ARHGAP8: variants seen among roughly 807,000 people sequenced by gnomAD.
The protein encoded by ARHGAP8 is Rho GTPase activating protein 8.
Under a neutral mutation model 46.1 loss-of-function variants are expected in ARHGAP8, and 62 were observed. The ratio of observed to expected loss-of-function variants is 1.34; its 90% CI spans 1.10 to 1.66. ARHGAP8 has a LOEUF of 1.66. Among genes scored for constraint, ARHGAP8 ranks in the 40% most tolerant of loss-of-function variants. The pLI, the probability that ARHGAP8 is intolerant of heterozygous loss-of-function variation, is 0.00. For missense variants in ARHGAP8, 923 were observed against 568.4 expected, an observed-to-expected ratio of 1.62 and a Z score of -6.34; for synonymous variants, 375 against 243.1, an observed-to-expected ratio of 1.54 and a Z score of -5.05.
Position 44,862,373 on chromosome 22 carries a change from G to A in ARHGAP8, c.1080G>A (p.Leu360=), listed in dbSNP as rs185083480. The A allele has an allele frequency of 5.6e-6, 9 of 1,614,114 alleles. No individual in the cohort carries two copies. The highest frequency in any genetic ancestry group is 4.5e-5 in the East Asian group (2 of 44,872). The change falls in exon 12 of 12, where the codon CTG becomes CTA. Residue 360 remains leucine (L), a synonymous_variant. Coordinates refer to ENST00000356099, the MANE Select transcript of ARHGAP8 (RefSeq NM_181335.3). The stretch of plus-strand genomic sequence containing the variant: ...GGCCATCCCAGGGGGTCTCCTCCCT[G>A]AGTGCCCTTGTGCCCCTGAACATGT... ...LIWPSQGVSS[L]SALVPLNMFT...
intron 1 of ARHGAP8, among the ~76,000 whole-genome samples, chr22:44,775,256 T>C (rs996936544): frequency 6.6e-6 from 1 of 152,210 alleles, no homozygotes; most frequent in Non-Finnish European, 1.5e-5. Flanking sequence ...TTATGTACCA[T>C]ATGAGCTGGC....
chr22:44,795,374 G>A (rs900866024), intron 2 of ARHGAP8, among the ~76,000 whole-genome samples: 2 of 152,126 alleles, frequency 1.3e-5, no homozygotes, highest in Non-Finnish European at 2.9e-5. Context: ...GGCCCATGGC[G>A]TGGTTGGGTA....
At chr22:44,819,144 C>G (rs373777420) in intron 5 of ARHGAP8, among the ~76,000 whole-genome samples, 6 of 152,342 alleles carry the variant, frequency 3.9e-5, no homozygotes, top group African/African-American at 1.4e-4. Context: ...TCACGGCTCA[C>G]TGTAGCCTCG....
intron 7 of ARHGAP8, among the ~76,000 whole-genome samples, chr22:44,829,274 G>C (rs1050553431): frequency 6.6e-6 from 1 of 150,416 alleles, no homozygotes; most frequent in African/African-American, 2.5e-5. Flanking sequence ...CCAGGAGACA[G>C]AGCGAGACTC....
chr22:44,832,100 T>G (rs1930986209), intron 7 of ARHGAP8, among the ~76,000 whole-genome samples: 1 of 152,208 alleles, frequency 6.6e-6, no homozygotes, highest in Non-Finnish European at 1.5e-5. Context: ...ATGGGATGTC[T>G]TTCCATTTAT....
intron 1 of ARHGAP8, among the ~76,000 whole-genome samples, chr22:44,759,881 T>G (rs1924993520): frequency 6.6e-6 from 1 of 152,016 alleles, no homozygotes; most frequent in Admixed American, 6.5e-5. Flanking sequence ...CAGGTGAGAG[T>G]TGCGCACCCG....
intron 1 of ARHGAP8, among the ~76,000 whole-genome samples, chr22:44,757,805 A>AT (rs132444): frequency 0.039 from 5,333 of 136,864 alleles, 202 homozygotes; most frequent in African/African-American, 0.097. Context: ...TGCCTGGCTA[A>AT]TTTTTTTTTT....
At chr22:44,796,970 G>C (rs1441009388) in intron 2 of ARHGAP8, among the ~76,000 whole-genome samples, 1 of 152,194 alleles carries the variant, frequency 6.6e-6, no homozygotes, top group Non-Finnish European at 1.5e-5. Context: ...CATAGATGAT[G>C]GGTGTGGCTG....
intron 6 of ARHGAP8, among the ~76,000 whole-genome samples, chr22:44,824,705 T>A (rs1806838137): frequency 6.6e-6 from 1 of 151,210 alleles, no homozygotes. Context: ...CAATCTCGGC[T>A]CTCTGCAACC....
chr22:44,792,075 C>T (rs899814089), intron 2 of ARHGAP8, among the ~76,000 whole-genome samples: 9 of 151,166 alleles, frequency 6.0e-5, no homozygotes, highest in Admixed American at 1.3e-4. Context: ...TGCAGTGGTG[C>T]GATCTCAGCT....
chr22:44,761,291 G>A (rs1002534212), intron 1 of ARHGAP8, among the ~76,000 whole-genome samples: 15 of 152,172 alleles, frequency 9.9e-5, no homozygotes, highest in African/African-American at 3.6e-4. Context: ...CTGTATCCAT[G>A]GGCTCCATAT....
intron 1 of ARHGAP8, among the ~76,000 whole-genome samples, chr22:44,769,871 G>A (rs757610029): frequency 1.3e-5 from 2 of 152,210 alleles, no homozygotes; most frequent in Non-Finnish European, 2.9e-5. Context: ...AAAATTCAGA[G>A]GCTAGGGTTT....
At chr22:44,857,973 C>T (rs2070281889) in intron 10 of ARHGAP8, among the ~76,000 whole-genome samples, 1 of 152,050 alleles carries the variant, frequency 6.6e-6, no homozygotes, top group Non-Finnish European at 1.5e-5. Context: ...GCACCAGTAC[C>T]CACTTGGGAC....
At position 44,808,449 on chromosome 22, in the gene ARHGAP8, G is replaced by A. The variant is rs774418460; in HGVS notation, c.299+11G>A. On this transcript the variant is annotated intron_variant, in intron 4 of 11. Transcript: ENST00000356099. ...GGAGTTCGATAGGAAGTACGTGCCC[G>A]CAAGCCTTCAGGGACGTGGGTGTGG... The A allele has an allele frequency of 2.9e-5, 47 of 1,613,008 alleles. No individual in the cohort carries two copies. Among genetic ancestry groups the A allele is most frequent in the Middle Eastern group, 1.6e-4 (1 of 6,082 alleles).
chr22:44,839,628 G>T (rs1931521750), intron 7 of ARHGAP8, among the ~76,000 whole-genome samples: 2 of 152,180 alleles, frequency 1.3e-5, no homozygotes, highest in African/African-American at 4.8e-5. Context: ...TGGTCACCTG[G>T]CCTCTCCTAG....
chr22:44,858,174 G>C (rs111810709), intron 10 of ARHGAP8, among the ~76,000 whole-genome samples: 7 of 152,194 alleles, frequency 4.6e-5, no homozygotes. Context: ...CTTGTGTCCT[G>C]GCAGTGGGTG....
chr22:44,771,864 A>G (rs1224101507), intron 1 of ARHGAP8, among the ~76,000 whole-genome samples: 1 of 152,030 alleles, frequency 6.6e-6, no homozygotes, highest in African/African-American at 2.4e-5. Context: ...CTGCAAATAA[A>G]TTTTTATTGC....
At chr22:44,757,641 G>C (rs1035319494) in intron 1 of ARHGAP8, among the ~76,000 whole-genome samples, 7 of 151,728 alleles carry the variant, frequency 4.6e-5, no homozygotes, top group Admixed American at 2.6e-4. Context: ...TGTTTTTGTT[G>C]TTTTGTTTTG....
chr22:44,826,542 A>G (rs1256007905), intron 7 of ARHGAP8, among the ~76,000 whole-genome samples: 1 of 152,064 alleles, frequency 6.6e-6, no homozygotes, highest in Non-Finnish European at 1.5e-5. Flanking sequence ...CTCCTGCCTT[A>G]GCCTCCTGAG....
Sources: allele counts gnomAD v4.1 joint callset (sites outside exome capture counted in the v4.1 genomes callset), GRCh38; gene constraint gnomAD v4.1.1; transcripts MANE v1.5; gene names NCBI Gene and HGNC (gene_info 2026-07-23, HGNC 2026-07-21).